TENM3: variants seen among roughly 807,000 people sequenced by gnomAD.
The protein encoded by TENM3 is teneurin transmembrane protein 3, also known as teneurin-3.
TENM3 carries 63 observed loss-of-function variants against 255.1 expected under a neutral mutation model. The observed-to-expected ratio is 0.25, with a 90% CI of 0.20 to 0.30. The LOEUF is 0.30. Among genes scored for constraint, TENM3 ranks in the 10% least tolerant of loss-of-function variants. The pLI is 1.00. For missense variants in TENM3, 2,929 were observed against 3,461.1 expected, an observed-to-expected ratio of 0.85 and a Z score of 3.86; for synonymous variants, 1,306 against 1,322.3, an observed-to-expected ratio of 0.99 and a Z score of 0.27.
At chr4:181,527,439 G>A in the TENM3 span, among the ~76,000 whole-genome samples, 1 of 151,930 alleles carries the variant, frequency 6.6e-6, no homozygotes, top group African/African-American at 2.4e-5. Flanking sequence ...CTTGATCTCG[G>A]CTCTCTGCAA....
the TENM3 span, among the ~76,000 whole-genome samples, chr4:181,900,477 T>G: frequency 6.6e-6 from 1 of 152,192 alleles, no homozygotes; most frequent in Non-Finnish European, 1.5e-5. Flanking sequence ...GCAGTTCCAA[T>G]ACGTATATTT....
the TENM3 span, among the ~76,000 whole-genome samples, chr4:181,763,139 A>G: frequency 6.6e-6 from 1 of 152,186 alleles, no homozygotes; most frequent in Admixed American, 6.5e-5. Flanking sequence ...TTTTTTATCT[A>G]AGAAATTGAT....
At chr4:181,705,566 A>G in the TENM3 span, among the ~76,000 whole-genome samples, 1 of 152,062 alleles carries the variant, frequency 6.6e-6, no homozygotes, top group African/African-American at 2.4e-5. Flanking sequence ...CAATCTTAAG[A>G]TCTCTAAACA....
the TENM3 span, among the ~76,000 whole-genome samples, chr4:181,661,354 G>A: frequency 2.2e-4 from 33 of 152,182 alleles, no homozygotes; most frequent in African/African-American, 5.5e-4. Context: ...AAAATATTCC[G>A]AAAATTGCCT....
the TENM3 span, among the ~76,000 whole-genome samples, chr4:181,766,538 G>GTGGA: frequency 6.6e-6 from 1 of 152,156 alleles, no homozygotes; most frequent in African/African-American, 2.4e-5. Context: ...GGTGAGCAGA[G>GTGGA]TGGAGGTGGC....
At chr4:181,753,765 A>G in the TENM3 span, among the ~76,000 whole-genome samples, 1 of 152,200 alleles carries the variant, frequency 6.6e-6, no homozygotes. Flanking sequence ...TATTATTTGC[A>G]TGTAGTTTTG....
At chr4:181,668,797 C>T in the TENM3 span, among the ~76,000 whole-genome samples, 5 of 152,154 alleles carry the variant, frequency 3.3e-5, no homozygotes, top group East Asian at 9.6e-4. Flanking sequence ...CCGCCTTTGC[C>T]CTTGCTGCTC....
chr4:182,103,218 G>A, the TENM3 span, among the ~76,000 whole-genome samples: 162 of 152,282 alleles, frequency 1.1e-3, 1 homozygote, highest in Middle Eastern at 3.4e-3. Flanking sequence ...GGACATACAA[G>A]TATGCCTAGT....
At chr4:182,388,243 T>G (rs1768140299) in intron 3 of TENM3, among the ~76,000 whole-genome samples, 1 of 152,192 alleles carries the variant, frequency 6.6e-6, no homozygotes, top group South Asian at 2.1e-4. Context: ...CCACCTGGTC[T>G]CCTTGACGTA....
At chr4:182,478,919 G>GTTTTA (rs1733931193) in intron 3 of TENM3, among the ~76,000 whole-genome samples, 1 of 151,942 alleles carries the variant, frequency 6.6e-6, no homozygotes, top group Non-Finnish European at 1.5e-5. Context: ...TTTTAGGAAT[G>GTTTTA]GAAGACTTTT....
intron 13 of TENM3, among the ~76,000 whole-genome samples, chr4:182,724,017 T>C (rs1251155912): frequency 6.6e-6 from 1 of 152,160 alleles, no homozygotes; most frequent in African/African-American, 2.4e-5. Flanking sequence ...AGCAATAATA[T>C]TACAGACTGA....
rs149766036 is a variant in TENM3 at position 182,676,500 on chromosome 4, A to G, written c.1327-3166A>G. ...GATCTGTAAAATCTCTTTAGTCTCT[A>G]TATTCCAATTACAGCAAGACTGTGC... On this transcript the variant is annotated intron_variant, in intron 7 of 27. Transcript: ENST00000511685. 5.3e-5 allele frequency among the ~76,000 whole-genome samples: 8 copies of G among 152,342 alleles called. No homozygotes were observed. The East Asian group carries it at 1.5e-3, about 29-fold the overall frequency.
chr4:181,628,864 C>A, the TENM3 span, among the ~76,000 whole-genome samples: 4 of 151,970 alleles, frequency 2.6e-5, no homozygotes, highest in African/African-American at 9.7e-5. Flanking sequence ...TTTTCCAATT[C>A]TGTGAAGAAA....
chr4:182,275,806 G>T (rs528756308), intron 1 of TENM3, among the ~76,000 whole-genome samples: 1 of 151,986 alleles, frequency 6.6e-6, no homozygotes, highest in Admixed American at 6.6e-5. Context: ...GCATGGTGCC[G>T]CATGCTTGAA....
chr4:181,622,562 G>A, the TENM3 span, among the ~76,000 whole-genome samples: 1 of 152,224 alleles, frequency 6.6e-6, no homozygotes, highest in South Asian at 2.1e-4. Context: ...TGTAATGTCA[G>A]CTACTCGGGA....
chr4:182,679,069 G>T (rs1755889141), intron 7 of TENM3, among the ~76,000 whole-genome samples: 1 of 152,076 alleles, frequency 6.6e-6, no homozygotes, highest in Non-Finnish European at 1.5e-5. Context: ...GGGTGTCAGG[G>T]GCTAGGGGAG....
chr4:182,086,221 C>T, the TENM3 span, among the ~76,000 whole-genome samples: 3 of 152,188 alleles, frequency 2.0e-5, no homozygotes, highest in Admixed American at 1.3e-4. Context: ...CTCAGGCCTC[C>T]GGAAGAAACC....
chr4:182,589,789 A>G (rs1250919953), intron 3 of TENM3, among the ~76,000 whole-genome samples: 3 of 152,090 alleles, frequency 2.0e-5, no homozygotes, highest in East Asian at 3.9e-4. Context: ...CCTGGCCAAC[A>G]TGGTGAAACC....
At chr4:182,024,139 C>G in the TENM3 span, among the ~76,000 whole-genome samples, 60 of 152,078 alleles carry the variant, frequency 3.9e-4, no homozygotes, top group Non-Finnish European at 6.9e-4. Context: ...AGATTAACTA[C>G]TGGTCAGAAA....
Sources: allele counts gnomAD v4.1 joint callset (sites outside exome capture counted in the v4.1 genomes callset), GRCh38; gene constraint gnomAD v4.1.1; transcripts MANE v1.5; gene names NCBI Gene and HGNC (gene_info 2026-07-23, HGNC 2026-07-21).